Variants in GPC6 observed in about 807,000 individuals in gnomAD.
GPC6 encodes glypican 6.
GPC6 carries 14 observed loss-of-function variants against 55.2 expected under a neutral mutation model. The ratio of observed to expected loss-of-function variants is 0.25; its 90% CI spans 0.17 to 0.40. GPC6 has a LOEUF of 0.40. GPC6 is among the 10% of genes least tolerant of loss of function. The pLI is 1.00. For synonymous variants in GPC6, 278 were observed against 259.6 expected, an observed-to-expected ratio of 1.07 and a Z score of -0.68; for missense variants, 641 against 708.5, an observed-to-expected ratio of 0.90 and a Z score of 1.08.
intron 1 of GPC6, among the ~76,000 whole-genome samples, chr13:93,443,749 G>A (rs1877892923): frequency 2.0e-5 from 3 of 152,180 alleles, no homozygotes; most frequent in Admixed American, 6.5e-5. Flanking sequence ...GAGAGAAGCA[G>A]GTTAGAAATC....
At chr13:93,460,904 T>C (rs190252151) in intron 1 of GPC6, among the ~76,000 whole-genome samples, 1 of 152,214 alleles carries the variant, frequency 6.6e-6, no homozygotes, top group African/African-American at 2.4e-5. Context: ...ATGTAATTAT[T>C]ACTGGTTTTA....
intron 1 of GPC6, among the ~76,000 whole-genome samples, chr13:93,335,792 T>C (rs181420734): frequency 4.9e-4 from 75 of 152,312 alleles, no homozygotes; most frequent in Non-Finnish European, 7.3e-5. Flanking sequence ...AAGCCTGCCA[T>C]TTCCTATAGC....
intron 4 of GPC6, among the ~76,000 whole-genome samples, chr13:94,091,041 T>G (rs933245058): frequency 3.3e-5 from 5 of 152,186 alleles, no homozygotes; most frequent in African/African-American, 9.6e-5. Flanking sequence ...TGGGTGCTAA[T>G]GTGTTTCTAT....
intron 1 of GPC6, among the ~76,000 whole-genome samples, chr13:93,466,012 G>A (rs1878890714): frequency 6.6e-6 from 1 of 152,030 alleles, no homozygotes; most frequent in South Asian, 2.1e-4. Context: ...TCAGAACACA[G>A]AAATTATTAA....
chr13:93,315,134 A>G (rs975945059), intron 1 of GPC6, among the ~76,000 whole-genome samples: 7 of 149,456 alleles, frequency 4.7e-5, no homozygotes, highest in Non-Finnish European at 1.0e-4. Flanking sequence ...TTTGAAAAAC[A>G]AGTTGTTTGA....
At position 93,466,340 on chromosome 13, in the gene GPC6, A is replaced by G. The variant is rs141626554; in HGVS notation, c.161-78923A>G. Among the ~76,000 whole-genome samples the G allele has an allele frequency of 8.2e-3, 1,247 of 152,318 alleles. 22 individuals are homozygous for G. Among genetic ancestry groups the G allele is most frequent in the African/African-American group, 0.028 (1,171 of 41,572 alleles). On this transcript the variant is annotated intron_variant, in intron 1 of 8. Transcript: ENST00000377047. ...TTGTTTTCGTCACGTATATCACGTGATGTATAATTATTTTCTGAATATTTA... is the reference window on the plus strand; with the variant it reads ...TTGTTTTCGTCACGTATATCACGTGGTGTATAATTATTTTCTGAATATTTA...
chr13:93,713,718 A>AG (rs962332005), intron 2 of GPC6, among the ~76,000 whole-genome samples: 15 of 151,506 alleles, frequency 9.9e-5, no homozygotes, highest in Non-Finnish European at 2.1e-4. Flanking sequence ...ATTTGTAAAA[A>AG]AAATGAGCTG....
At chr13:93,978,484 C>A (rs1880624450) in intron 3 of GPC6, among the ~76,000 whole-genome samples, 1 of 152,036 alleles carries the variant, frequency 6.6e-6, no homozygotes, top group South Asian at 2.1e-4. Context: ...CAAATATAAC[C>A]AATACTGAGA....
chr13:93,780,281 A>C (rs977444261), intron 2 of GPC6, among the ~76,000 whole-genome samples: 5 of 152,172 alleles, frequency 3.3e-5, no homozygotes, highest in Non-Finnish European at 5.9e-5. Context: ...AAAGCAAAAA[A>C]AAACACATTG....
intron 2 of GPC6, among the ~76,000 whole-genome samples, chr13:93,789,606 T>TATATATATATAATACTAC (rs1885946592): frequency 1.1e-4 from 2 of 18,234 alleles, no homozygotes; most frequent in Non-Finnish European, 2.2e-4. Context: ...TACATATATA[T>TATATATATATAATACTAC]ATATATATAT....
chr13:93,645,818 T>C (rs2139592387), intron 2 of GPC6, among the ~76,000 whole-genome samples: 1 of 152,278 alleles, frequency 6.6e-6, no homozygotes, highest in South Asian at 2.1e-4. Flanking sequence ...ACAGGAGATA[T>C]GTCTTACTGT....
chr13:93,639,311 C>T (rs750762908), intron 2 of GPC6, among the ~76,000 whole-genome samples: 69 of 152,052 alleles, frequency 4.5e-4, no homozygotes, highest in Non-Finnish European at 6.8e-4. Context: ...AGTCACTGAG[C>T]TTTCAAAGCA....
chr13:93,874,682 G>A (rs571723660), intron 3 of GPC6, among the ~76,000 whole-genome samples: 1 of 150,772 alleles, frequency 6.6e-6, no homozygotes, highest in Admixed American at 6.7e-5. Flanking sequence ...CTCTGATTCT[G>A]TAGGTCTCAT....
intron 1 of GPC6, among the ~76,000 whole-genome samples, chr13:93,435,138 A>G (rs903410931): frequency 6.6e-6 from 1 of 151,512 alleles, no homozygotes; most frequent in East Asian, 2.0e-4. Context: ...TTTTGGAGAC[A>G]TGGTCTCACT....
chr13:93,786,938 T>TG (rs1172735774), intron 2 of GPC6, among the ~76,000 whole-genome samples: 1 of 152,218 alleles, frequency 6.6e-6, no homozygotes, highest in Admixed American at 6.5e-5. Context: ...TTGAGCAATT[T>TG]GGGCTGGAGC....
chr13:93,993,963 A>C (rs1434483779), intron 3 of GPC6, among the ~76,000 whole-genome samples: 1 of 152,196 alleles, frequency 6.6e-6, no homozygotes, highest in Non-Finnish European at 1.5e-5. Context: ...AAGCCACTTT[A>C]TTTTGTTTCC....
intron 3 of GPC6, among the ~76,000 whole-genome samples, chr13:93,893,151 C>T (rs1387167206): frequency 3.3e-5 from 5 of 151,640 alleles, no homozygotes; most frequent in Non-Finnish European, 7.4e-5. Context: ...CCTCCACCTC[C>T]CAGGCTCAAG....
intron 4 of GPC6, among the ~76,000 whole-genome samples, chr13:94,254,773 G>A (rs749453737): frequency 6.6e-6 from 1 of 152,062 alleles, no homozygotes; most frequent in Non-Finnish European, 1.5e-5. Flanking sequence ...GAAATACAGT[G>A]TAGTCAAATA....
chr13:94,284,393 G>A (rs1892471845), intron 4 of GPC6, among the ~76,000 whole-genome samples: 1 of 151,916 alleles, frequency 6.6e-6, no homozygotes, highest in East Asian at 1.9e-4. Flanking sequence ...TTCATGTCAT[G>A]AATATTTAGA....
Sources: gnomAD v4.1 joint callset for allele counts (sites outside exome capture counted in the v4.1 genomes callset) on GRCh38, gnomAD v4.1.1 for gene constraint, MANE v1.5 for transcripts, NCBI Gene and HGNC (gene_info 2026-07-23, HGNC 2026-07-21) for gene names.